SLC37A3: variants seen among roughly 807,000 people sequenced by gnomAD.
SLC37A3 encodes solute carrier family 37 member 3, also known as sugar phosphate exchanger 3.
SLC37A3 carries 51 observed loss-of-function variants against 67.1 expected under a neutral mutation model. That is an observed-to-expected ratio of 0.76 (90% CI 0.61 to 0.96). SLC37A3 has a LOEUF of 0.96. Among genes scored for constraint, SLC37A3 ranks in the 40% least tolerant of loss-of-function variants. The pLI is 0.00. For missense variants in SLC37A3, 508 were observed against 603.0 expected, an observed-to-expected ratio of 0.84 and a Z score of 1.65; for synonymous variants, 214 against 231.4, an observed-to-expected ratio of 0.92 and a Z score of 0.68.
intron 5 of SLC37A3, among the ~76,000 whole-genome samples, chr7:140,361,673 C>T (rs1182891458): frequency 1.3e-5 from 2 of 150,406 alleles, no homozygotes; most frequent in Admixed American, 6.6e-5. Context: ...CTCAGCCTGC[C>T]GAGTGCCTGC....
intron 5 of SLC37A3, among the ~76,000 whole-genome samples, chr7:140,363,740 CAAAAAAAAAAA>C (rs71170980): frequency 0.58 from 62,286 of 107,718 alleles, 15,239 homozygotes; most frequent in Middle Eastern, 0.67. Context: ...AACTCCGCCT[CAAAAAAAAAAA>C]AAAAAAAAAA....
At chr7:140,397,841 T>G (rs1481429967) in intron 1 of SLC37A3, among the ~76,000 whole-genome samples, 2 of 152,106 alleles carry the variant, frequency 1.3e-5, no homozygotes, top group East Asian at 3.9e-4. Context: ...ACATTCCCAT[T>G]ATCTCCTGTC....
chr7:140,340,620 CT>C (rs776791621), intron 13 of SLC37A3, among the ~76,000 whole-genome samples: 588 of 140,394 alleles, frequency 4.2e-3, no homozygotes, highest in Non-Finnish European at 4.5e-3. Context: ...GCAACTTTGT[CT>C]TTTTTTTTTT....
intron 5 of SLC37A3, among the ~76,000 whole-genome samples, chr7:140,362,774 T>G (rs1473614650): frequency 4.5e-4 from 19 of 42,376 alleles, no homozygotes; most frequent in Admixed American, 1.3e-3. Context: ...GGGAGGGAGG[T>G]GGGGGGATCA....
intron 5 of SLC37A3, among the ~76,000 whole-genome samples, chr7:140,362,414 G>T (rs1275362572): frequency 5.1e-5 from 4 of 78,042 alleles, no homozygotes; most frequent in Non-Finnish European, 1.2e-4. Context: ...GTCCGGGAGG[G>T]AGGTGGGGGG....
At chr7:140,393,854 G>T (rs368019800) in intron 1 of SLC37A3, among the ~76,000 whole-genome samples, 37 of 152,168 alleles carry the variant, frequency 2.4e-4, no homozygotes, top group African/African-American at 8.2e-4. Context: ...ACAGGACCCA[G>T]CAGAGCACTG....
rs758067377 is a variant in SLC37A3 at position 140,351,360 on chromosome 7, C to T, written c.795G>A (p.Pro265=). Residue 265 remains proline, a synonymous_variant, in exon 9 of 15, where the codon CCG becomes CCA. Coordinates refer to ENST00000326232, the MANE Select transcript of SLC37A3 (RefSeq NM_207113.3). ...AACTATCATCTTGGATTGAATAATT[C>T]GGCTCATATTCGTCTTCATTTTCAC... ...NGGENEDEYE[P]NYSIQDDSSV... is the part of the protein sequence containing the mutation. 19 of 1,613,998 alleles carry T rather than the reference C, an allele frequency of 1.2e-5. No homozygotes were observed. In the East Asian group the frequency reaches 1.3e-4, roughly 11 times the overall value.
chr7:140,349,711 C>G (rs1384915598), intron 9 of SLC37A3, among the ~76,000 whole-genome samples: 1 of 152,166 alleles, frequency 6.6e-6, no homozygotes, highest in Non-Finnish European at 1.5e-5. Context: ...GACCAGACAG[C>G]CTGCTACAAA....
chr7:140,344,868 G>A (rs1274108138), intron 12 of SLC37A3, among the ~76,000 whole-genome samples: 1 of 152,160 alleles, frequency 6.6e-6, no homozygotes, highest in Non-Finnish European at 1.5e-5. Flanking sequence ...TCCAACACAG[G>A]AGGAGACACG....
intron 4 of SLC37A3, among the ~76,000 whole-genome samples, chr7:140,365,389 G>A (rs557451892): frequency 2.6e-5 from 4 of 151,560 alleles, no homozygotes; most frequent in Non-Finnish European, 5.9e-5. Flanking sequence ...AATAGTTCAA[G>A]ACCAAACTGG....
chr7:140,381,655 C>T (rs761921848), intron 2 of SLC37A3, among the ~76,000 whole-genome samples: 5 of 152,096 alleles, frequency 3.3e-5, no homozygotes, highest in Admixed American at 2.0e-4. Flanking sequence ...CACCCAATGG[C>T]CTGATGTATG....
intron 5 of SLC37A3, 146 bp from the exon 6 acceptor site, chr7:140,358,931 C>A: frequency 9.9e-7 from 1 of 1,011,858 alleles, no homozygotes; most frequent in Non-Finnish European, 1.5e-6. Context: ...GCCAGCATCA[C>A]AAAGGTCCTG....
intron 1 of SLC37A3, among the ~76,000 whole-genome samples, chr7:140,395,656 C>T (rs538909571): frequency 6.1e-4 from 93 of 151,978 alleles, no homozygotes; most frequent in Non-Finnish European, 9.7e-4. Flanking sequence ...TGCAGTGAAC[C>T]GAGATCCCCC....
intron 5 of SLC37A3, among the ~76,000 whole-genome samples, chr7:140,360,078 G>C (rs1365889060): frequency 6.6e-6 from 1 of 152,200 alleles, no homozygotes. Context: ...CAAACGCAGG[G>C]ACTTGTGCCG....
intron 12 of SLC37A3, 70 bp downstream of exon 12, chr7:140,345,146 A>G (rs1796502783): frequency 2.1e-6 from 3 of 1,424,608 alleles, no homozygotes; most frequent in Non-Finnish European, 2.9e-6. Flanking sequence ...TTGAGGGAGA[A>G]AACAGTTTCC....
intron 4 of SLC37A3, among the ~76,000 whole-genome samples, chr7:140,368,986 C>T (rs553580879): frequency 6.6e-6 from 1 of 152,274 alleles, no homozygotes; most frequent in African/African-American, 2.4e-5. Flanking sequence ...TAAGTCAGGT[C>T]CTGCCGCTGC....
chr7:140,392,514 A>G (rs6978505), intron 1 of SLC37A3, among the ~76,000 whole-genome samples: 57,579 of 151,774 alleles, frequency 0.38, 11,235 homozygotes, highest in Non-Finnish European at 0.43. Context: ...CCTAAGATAA[A>G]CCACCAGCAG....
At position 140,337,270 on chromosome 7, in the gene SLC37A3, G is replaced by A; in HGVS notation, c.1392+14C>T. 6.4e-7 allele frequency: 1 copy of A among 1,552,538 alleles called. No homozygotes were observed. The highest frequency in any genetic ancestry group is 1.2e-5 in the South Asian group (1 of 80,900). On this transcript the variant is annotated intron_variant, in intron 14 of 14. Transcript: ENST00000326232. Reference sequence around the variant, plus strand: ...AAAAATGACTTTTTTTTTTTTAAAGGGGCACACACTTACCATGAGAATGAA... The same window carrying A: ...AAAAATGACTTTTTTTTTTTTAAAGAGGCACACACTTACCATGAGAATGAA...
chr7:140,357,190 GGCAGTAAGA>G (rs1797064924), intron 6 of SLC37A3, among the ~76,000 whole-genome samples: 1 of 152,008 alleles, frequency 6.6e-6, no homozygotes, highest in Non-Finnish European at 1.5e-5. Flanking sequence ...CTCCAGCCTG[GGCAGTAAGA>G]GCGAAACTCT....
Sources: allele counts gnomAD v4.1 joint callset (sites outside exome capture counted in the v4.1 genomes callset), GRCh38; gene constraint gnomAD v4.1.1; transcripts MANE v1.5; gene names NCBI Gene and HGNC (gene_info 2026-07-23, HGNC 2026-07-21).